The following ILDR2 variants were observed in gnomAD, a reference collection of about 807,000 sequenced individuals.
ILDR2 encodes the protein immunoglobulin like domain containing receptor 2.
Under a neutral mutation model 66.8 loss-of-function variants are expected in ILDR2, and 25 were observed. The observed-to-expected ratio is 0.37, with a 90% CI of 0.27 to 0.52. The LOEUF is 0.52. ILDR2 is among the 20% of genes least tolerant of loss of function. ILDR2 has a pLI of 0.88. For missense variants in ILDR2, 827 were observed against 876.8 expected (o/e 0.94, Z 0.72); for synonymous variants, 367 against 357.2 (o/e 1.03, Z -0.31).
At position 166,963,765 on chromosome 1, in the gene ILDR2, A is replaced by G. The variant is rs188455415; in HGVS notation, c.47-5664T>C. Among the ~76,000 whole-genome samples the G allele has an allele frequency of 6.9e-4, 105 of 152,296 alleles. 1 individual carries two copies. Among genetic ancestry groups the G allele is most frequent in the Admixed American group, 1.5e-3 (23 of 15,298 alleles). ...TATTTCCAACCCTTTGACTATAAGT[A>G]TGTTATCCCCTCCTCCTGGGCAAAT... On this transcript the variant is annotated intron_variant, in intron 1 of 9. Coordinates refer to ENST00000271417, the MANE Select transcript of ILDR2 (RefSeq NM_199351.3).
chr1:166,933,806 T>C (rs1211482748), intron 6 of ILDR2, among the ~76,000 whole-genome samples: 1 of 152,244 alleles, frequency 6.6e-6, no homozygotes, highest in Non-Finnish European at 1.5e-5. Context: ...TCTAATTATC[T>C]GTGTGTCACT....
chr1:166,927,220 A>G, intron 6 of ILDR2, 40 bp from the exon 7 acceptor site: 1 of 1,364,862 alleles, frequency 7.3e-7, no homozygotes, highest in Non-Finnish European at 1.0e-6. Context: ...GAAAAAGGAA[A>G]ATATCAGGAG....
chr1:166,933,234 T>C (rs1279070780), intron 6 of ILDR2, among the ~76,000 whole-genome samples: 2 of 152,270 alleles, frequency 1.3e-5, no homozygotes, highest in Non-Finnish European at 2.9e-5. Flanking sequence ...AGCCCAATTC[T>C]TGCTGATAAA....
At chr1:166,937,189 C>T (rs1416249527) in intron 4 of ILDR2, among the ~76,000 whole-genome samples, 1 of 152,102 alleles carries the variant, frequency 6.6e-6, no homozygotes, top group Non-Finnish European at 1.5e-5. Context: ...CTATAAAAGT[C>T]TAAGTCCTGA....
chr1:166,960,633 C>T (rs889634812), intron 1 of ILDR2, among the ~76,000 whole-genome samples: 1 of 152,128 alleles, frequency 6.6e-6, no homozygotes, highest in African/African-American at 2.4e-5. Context: ...ACTTTCCCCT[C>T]ACCTCCCATC....
chr1:166,955,705 A>G (rs987422316), intron 3 of ILDR2, among the ~76,000 whole-genome samples: 1 of 152,228 alleles, frequency 6.6e-6, no homozygotes. Flanking sequence ...CAATCATGAT[A>G]AAGACTAAAA....
intron 4 of ILDR2, among the ~76,000 whole-genome samples, chr1:166,937,100 A>C (rs1277414685): frequency 2.0e-5 from 3 of 152,118 alleles, no homozygotes; most frequent in Non-Finnish European, 4.4e-5. Context: ...GGCTGGGGGG[A>C]AGGAGAACCT....
In ILDR2 at chr1:166,916,712, T is replaced by TA. The variant is rs1346692886; in HGVS notation, c.*2642dup. The TA allele has an allele frequency of 1.3e-5, 2 of 152,238 alleles. No individual in the cohort carries two copies. Among genetic ancestry groups the TA allele is most frequent in the Non-Finnish European group, 2.9e-5 (2 of 68,038 alleles). 9.4% of individuals were successfully genotyped at this position (152,238 alleles called of 1,614,324 possible). Reference sequence around the variant, plus strand: ...GAAGTCTGAATGATTTATCCAGTTCTACAAAGGACAACCTGGTCCCAACTC... The same window carrying TA: ...GAAGTCTGAATGATTTATCCAGTTCTAACAAAGGACAACCTGGTCCCAACTC... On this transcript the variant is annotated 3_prime_UTR_variant, in exon 10 of 10. Coordinates refer to ENST00000271417, the MANE Select transcript of ILDR2 (RefSeq NM_199351.3).
chr1:166,903,573 G>C (rs1223251349), downstream of ILDR2, among the ~76,000 whole-genome samples: 5 of 152,196 alleles, frequency 3.3e-5, no homozygotes, highest in Non-Finnish European at 7.3e-5. Context: ...TAGCTATCCA[G>C]ATAAGAACCT....
At chr1:166,935,160 C>T in intron 6 of ILDR2, 141 bp downstream of exon 6, 1 of 837,510 alleles carries the variant, frequency 1.2e-6, no homozygotes, top group Non-Finnish European at 1.9e-6. Context: ...AGATATCTGA[C>T]ATAGCTGGAA....
chr1:166,935,638 C>G lies in ILDR2; in HGVS notation c.704-161G>C, dbSNP rs72707821. On this transcript the variant is annotated intron_variant, in intron 5 of 9. Transcript: ENST00000271417. ...AAACTGAACTGATTCATCAGAATCA[C>G]TCTCCCCCACTCCCTCGGACTCTCC... Among the ~76,000 whole-genome samples, 1,237 of 152,290 alleles carry G rather than the reference C, an allele frequency of 8.1e-3. 9 individuals are homozygous for G. Among genetic ancestry groups the G allele is most frequent in the Admixed American group, 0.012 (191 of 15,302 alleles).
At chr1:166,903,857 G>T (rs1659299778), downstream of ILDR2, among the ~76,000 whole-genome samples, 1 of 152,124 alleles carries the variant, frequency 6.6e-6, no homozygotes, top group Admixed American at 6.5e-5. Flanking sequence ...CTCAATCTCA[G>T]TTTCTTCTTA....
chr1:166,939,628 C>A lies in ILDR2; in HGVS notation c.500-58G>T. ...GTGGTTATTCCAAGGGAAAACATAG[C>A]CTAAAGCCTGGCTCCAGTTGGTACC... is the stretch of plus-strand genomic sequence containing the variant. On this transcript the variant is annotated intron_variant, in intron 3 of 9. Coordinates refer to ENST00000271417, the MANE Select transcript of ILDR2 (RefSeq NM_199351.3). 2.0e-6 allele frequency: 3 copies of A among 1,495,310 alleles called. No individual in the cohort carries two copies. In the South Asian group the frequency reaches 3.4e-5, roughly 17 times the overall value. 92.6% of individuals were successfully genotyped at this position (1,495,310 alleles called of 1,614,324 possible). A position where few individuals can be genotyped will look rare whatever the true frequency, so the allele number is the denominator to read the frequency against.
In ILDR2 at chr1:166,936,845, G is replaced by A. The variant is rs1297815854; in HGVS notation, c.557-108C>T. On this transcript the variant is annotated intron_variant, in intron 4 of 9. Transcript: ENST00000271417. The surrounding 1 kb of genome is among the most constrained non-coding windows in gnomAD (Gnocchi z 5.0). ...AAGGGGGAGAGGAGGAGGGACCTAG[G>A]GAAGAAAGCTTCTCTTAACAGGAGA... 5 of 1,059,270 alleles carry A rather than the reference G, an allele frequency of 4.7e-6. No individual in the cohort carries two copies. In the East Asian group the frequency reaches 7.7e-5, roughly 16 times the overall value. 65.6% of individuals were successfully genotyped at this position (1,059,270 alleles called of 1,614,324 possible).
intron 3 of ILDR2, among the ~76,000 whole-genome samples, chr1:166,943,449 A>G (rs1434761663): frequency 8.6e-4 from 108 of 125,362 alleles, no homozygotes; most frequent in African/African-American, 3.0e-3. Context: ...CCGAGATTGC[A>G]CCACTGCACT....
At chr1:166,972,689 A>G (rs1179183879) in intron 1 of ILDR2, among the ~76,000 whole-genome samples, 3 of 152,104 alleles carry the variant, frequency 2.0e-5, no homozygotes, top group Admixed American at 6.6e-5. Flanking sequence ...GCTTGCATTA[A>G]AAAAGAGAAA....
intron 6 of ILDR2, among the ~76,000 whole-genome samples, chr1:166,929,260 T>G (rs924970120): frequency 6.6e-6 from 1 of 152,186 alleles, no homozygotes; most frequent in Non-Finnish European, 1.5e-5. Flanking sequence ...GCACTTTGAG[T>G]TCTCTATCAT....
chr1:166,969,779 G>C, intron 1 of ILDR2, among the ~76,000 whole-genome samples: 1 of 152,322 alleles, frequency 6.6e-6, no homozygotes, highest in East Asian at 1.9e-4. Context: ...AACCAGAAAA[G>C]AATGTTTCCC....
At chr1:166,965,335 C>T (rs1662873513) in intron 1 of ILDR2, among the ~76,000 whole-genome samples, 1 of 152,020 alleles carries the variant, frequency 6.6e-6, no homozygotes, top group Non-Finnish European at 1.5e-5. Flanking sequence ...ATACTTTATA[C>T]ACATAGCCTG....
Sources: gnomAD v4.1 joint callset for allele counts (sites outside exome capture counted in the v4.1 genomes callset) on GRCh38, gnomAD v4.1.1 for gene constraint, Gnocchi (gnomAD v3.1) non-coding constraint, MANE v1.5 for transcripts, NCBI Gene and HGNC (gene_info 2026-07-23, HGNC 2026-07-21) for gene names.